The following ZNF654 variants were observed in gnomAD, a reference collection of about 807,000 sequenced individuals.
ZNF654 encodes zinc finger protein 654.
A neutral mutation model predicts 95.3 loss-of-function variants in ZNF654; 19 were observed. The observed-to-expected ratio is 0.20, with a 90% CI of 0.14 to 0.29. ZNF654 has a LOEUF of 0.29. Among genes scored for constraint, ZNF654 ranks in the 10% least tolerant of loss-of-function variants. ZNF654 has a pLI of 1.00. For synonymous variants in ZNF654, 413 were observed against 457.9 expected, an observed-to-expected ratio of 0.90 and a Z score of 1.25; for missense variants, 1,046 against 1,341.0, an observed-to-expected ratio of 0.78 and a Z score of 3.44.
At chr3:88,118,924 T>G (rs1438685267) in intron 3 of ZNF654, among the ~76,000 whole-genome samples, 1 of 150,100 alleles carries the variant, frequency 6.7e-6, no homozygotes, top group African/African-American at 2.5e-5. Flanking sequence ...GGAACACTTT[T>G]ACACTGTTGG....
rs117408478 is a variant in ZNF654 at position 88,077,047 on chromosome 3, A to C, written c.187-9210A>C. On this transcript the variant is annotated intron_variant, in intron 1 of 8. Transcript: ENST00000636215. Reference sequence around the variant, plus strand: ...AGAATTTTAGGGAAGGAGGAAAATCATCCTCTCACTGGTATTTTTTGAGAT... The same window carrying C: ...AGAATTTTAGGGAAGGAGGAAAATCCTCCTCTCACTGGTATTTTTTGAGAT... Among the ~76,000 whole-genome samples, 4 of 152,334 alleles carry C rather than the reference A, an allele frequency of 2.6e-5. No homozygotes were observed. The East Asian group carries it at 7.7e-4, about 29-fold the overall frequency.
At position 88,143,175 on chromosome 3, in the gene ZNF654, G is replaced by C. The variant is rs1400744879; in HGVS notation, c.*1523G>C. Reference sequence around the variant, plus strand: ...GGAAGTGGGGAATTTCTTCCAGGTAGCATCCATATTTTATTAAATTAGGAT... The same window carrying C: ...GGAAGTGGGGAATTTCTTCCAGGTACCATCCATATTTTATTAAATTAGGAT... On this transcript the variant is annotated 3_prime_UTR_variant, in exon 9 of 9. Coordinates refer to ENST00000636215, the MANE Select transcript of ZNF654 (RefSeq NM_001350134.2). 1 of 152,122 alleles carries C rather than the reference G, an allele frequency of 6.6e-6. No individual in the cohort carries two copies. The highest frequency in any genetic ancestry group is 1.5e-5 in the Non-Finnish European group (1 of 67,730). The allele number at this position is 152,122 out of a possible 1,614,324, so 9.4% of individuals were successfully genotyped here.
chr3:88,121,848 C>T (rs1186720642), intron 3 of ZNF654, among the ~76,000 whole-genome samples: 1 of 152,148 alleles, frequency 6.6e-6, no homozygotes, highest in Non-Finnish European at 1.5e-5. Flanking sequence ...AGGTGGTGTT[C>T]TGTAGCTTTA....
In ZNF654 at chr3:88,131,029, T is replaced by C. The variant is rs1446533006; in HGVS notation, c.893+1203T>C. Among the ~76,000 whole-genome samples the C allele has an allele frequency of 2.6e-5, 4 of 152,248 alleles. No individual in the cohort carries two copies. The East Asian group carries it at 5.8e-4, about 22-fold the overall frequency. ...TGATGGGGATATATTCTAAGTAATA[T>C]GTCAATAGGCAGTTTCCTTGTGTGA... On this transcript the variant is annotated intron_variant, in intron 6 of 8. Coordinates refer to ENST00000636215, the MANE Select transcript of ZNF654 (RefSeq NM_001350134.2).
intron 2 of ZNF654, among the ~76,000 whole-genome samples, chr3:88,102,822 T>TTA (rs1461949678): frequency 6.7e-6 from 1 of 149,546 alleles, no homozygotes; most frequent in Non-Finnish European, 1.5e-5. Flanking sequence ...ACTGTCTTTT[T>TTA]TTTTTTTTTT....
At chr3:88,128,558 T>C (rs759717136) in intron 4 of ZNF654, among the ~76,000 whole-genome samples, 10 of 152,238 alleles carry the variant, frequency 6.6e-5, no homozygotes, top group Non-Finnish European at 1.5e-4. Context: ...TTTTAAATTT[T>C]GTTTCTGTTA....
At chr3:88,097,661 A>T (rs1704141864) in intron 2 of ZNF654, among the ~76,000 whole-genome samples, 1 of 151,618 alleles carries the variant, frequency 6.6e-6, no homozygotes, top group African/African-American at 2.4e-5. Flanking sequence ...TCAAATTAGA[A>T]CTCAGGATTA....
chr3:88,133,876 A>G (rs1180923112), intron 6 of ZNF654, among the ~76,000 whole-genome samples: 7 of 152,182 alleles, frequency 4.6e-5, no homozygotes, highest in African/African-American at 1.7e-4. Flanking sequence ...AAGACACTGC[A>G]AGATAAACAG....
chr3:88,095,899 G>A, intron 2 of ZNF654: 1 of 425,644 alleles, frequency 2.3e-6, no homozygotes, highest in South Asian at 1.9e-5. Flanking sequence ...TGCCTGTCTA[G>A]CACCTTCTCC....
chr3:88,118,668 G>A (rs546910159), intron 3 of ZNF654, among the ~76,000 whole-genome samples: 2 of 152,282 alleles, frequency 1.3e-5, no homozygotes, highest in African/African-American at 4.8e-5. Flanking sequence ...AACCTTTGTA[G>A]TGCTAGCTAA....
At chr3:88,062,948 A>G (rs1445215018) in intron 1 of ZNF654, among the ~76,000 whole-genome samples, 1 of 152,258 alleles carries the variant, frequency 6.6e-6, no homozygotes, top group Non-Finnish European at 1.5e-5. Flanking sequence ...TGTGTTTCGC[A>G]GTAAACTTGA....
intron 2 of ZNF654, among the ~76,000 whole-genome samples, chr3:88,088,898 G>A (rs1708487759): frequency 6.6e-6 from 1 of 151,336 alleles, no homozygotes; most frequent in African/African-American, 2.4e-5. Context: ...TCAGCCTCCC[G>A]AGTAGCTGGG....
Position 88,113,096 on chromosome 3 carries a change from ATTCAC to A in ZNF654, c.333-16_333-12del. The A allele has an allele frequency of 1.3e-6, 2 of 1,486,268 alleles. No individual in the cohort carries two copies. The highest frequency in any genetic ancestry group is 9.0e-7 in the Non-Finnish European group (1 of 1,105,970). The allele number at this position is 1,486,268 out of a possible 1,614,324, so 92.1% of individuals were successfully genotyped here. On this transcript the variant is annotated splice_polypyrimidine_tract_variant and intron_variant, in intron 2 of 8. Transcript: ENST00000636215. ...AAAACTCAAAGAAGCAATGAAAGTT[ATTCAC>A]TTATTCTTTCTAGGAGTTTCTTTGA...
intron 3 of ZNF654, among the ~76,000 whole-genome samples, chr3:88,113,767 CT>C (rs991110193): frequency 4.6e-5 from 7 of 151,764 alleles, no homozygotes; most frequent in African/African-American, 1.7e-4. Flanking sequence ...TGAGCTCCCC[CT>C]AGGGGTGAAG....
intron 1 of ZNF654, among the ~76,000 whole-genome samples, chr3:88,060,998 T>G (rs1706847712): frequency 6.6e-6 from 1 of 152,174 alleles, no homozygotes; most frequent in Non-Finnish European, 1.5e-5. Context: ...AATGACTTTC[T>G]TGAAAATGTA....
intron 2 of ZNF654, among the ~76,000 whole-genome samples, chr3:88,094,057 C>T (rs1422517336): frequency 2.0e-4 from 31 of 151,628 alleles, no homozygotes; most frequent in Middle Eastern, 3.4e-3. Context: ...AAATCTAGGT[C>T]GTCTAGCGTT....
At chr3:88,134,335 T>C (rs1303722727) in intron 6 of ZNF654, among the ~76,000 whole-genome samples, 2 of 152,102 alleles carry the variant, frequency 1.3e-5, no homozygotes, top group Admixed American at 1.3e-4. Context: ...TTTTCATTAA[T>C]TATTTTAATA....
At chr3:88,077,331 ATTGTTTTTTTT>A in intron 1 of ZNF654, among the ~76,000 whole-genome samples, 1 of 139,716 alleles carries the variant, frequency 7.2e-6, no homozygotes, top group Middle Eastern at 3.8e-3. Context: ...GCAGACTTAA[ATTGTTTTTTTT>A]TTTTTTTTTG....
At chr3:88,078,606 G>T (rs74752669) in intron 1 of ZNF654, among the ~76,000 whole-genome samples, 1,792 of 152,164 alleles carry the variant, frequency 0.012, 20 homozygotes, top group Admixed American at 0.03. Flanking sequence ...TTATTGAATG[G>T]TTAGAAAAGG....
Sources: gnomAD v4.1 joint callset for allele counts (sites outside exome capture counted in the v4.1 genomes callset) on GRCh38, gnomAD v4.1.1 for gene constraint, MANE v1.5 for transcripts, NCBI Gene and HGNC (gene_info 2026-07-23, HGNC 2026-07-21) for gene names.